KIAA1671: variants seen among roughly 807,000 people sequenced by gnomAD.
The protein encoded by KIAA1671 is uncharacterized protein KIAA1671.
A neutral mutation model predicts 131.2 loss-of-function variants in KIAA1671; 52 were observed. That is an observed-to-expected ratio of 0.40 (90% CI 0.32 to 0.50). The LOEUF is 0.50. Ranked by LOEUF, KIAA1671 falls within the 20% of genes least tolerant of loss-of-function variation. The pLI, the probability that KIAA1671 is intolerant of heterozygous loss-of-function variation, is 0.73. For synonymous variants in KIAA1671, 1,003 were observed against 961.6 expected (o/e 1.04, Z -0.80); for missense variants, 2,360 against 2,364.2 (o/e 1.00, Z 0.04).
intron 1 of KIAA1671, among the ~76,000 whole-genome samples, chr22:24,982,768 G>A (rs2123832053): frequency 6.6e-6 from 1 of 152,314 alleles, no homozygotes; most frequent in East Asian, 1.9e-4. Context: ...AGATCCCAGA[G>A]GGCACAGGCC....
At chr22:25,153,503 C>T (rs1933119477) in intron 6 of KIAA1671, among the ~76,000 whole-genome samples, 1 of 152,188 alleles carries the variant, frequency 6.6e-6, no homozygotes, top group Non-Finnish European at 1.5e-5. Flanking sequence ...ATGCAATATA[C>T]CCATGCATTG....
At chr22:25,113,177 C>G (rs574859717) in intron 6 of KIAA1671, among the ~76,000 whole-genome samples, 1 of 152,128 alleles carries the variant, frequency 6.6e-6, no homozygotes, top group African/African-American at 2.4e-5. Flanking sequence ...GCCCAGAAAG[C>G]GAAAGTGCCT....
rs141568428 is a variant in KIAA1671, at chr22:25,069,916, C to T, written c.4530+20552C>T. ...ACACATGCACACATACTTGACTCCA[C>T]GTAAAAGCATGTACACACACACTCC... On this transcript the variant is annotated intron_variant, in intron 6 of 12. Transcript: ENST00000358431. The T allele has an allele frequency of 2.3e-3, 354 of 155,324 alleles. 4 individuals are homozygous for T. The highest frequency in any genetic ancestry group is 7.7e-3 in the African/African-American group (322 of 41,684). The allele number at this position is 155,324 out of a possible 1,614,324, so 9.6% of individuals were successfully genotyped here. A position where few individuals can be genotyped will look rare whatever the true frequency, so the allele number is the denominator to read the frequency against.
chr22:25,007,870 C>T (rs188147466), intron 1 of KIAA1671, among the ~76,000 whole-genome samples: 89 of 152,116 alleles, frequency 5.9e-4, no homozygotes, highest in African/African-American at 1.6e-3. Flanking sequence ...GGAGCTGTAC[C>T]TCTGCTGCTG....
intron 6 of KIAA1671, among the ~76,000 whole-genome samples, chr22:25,168,482 G>A (rs931428324): frequency 6.6e-6 from 1 of 152,226 alleles, no homozygotes; most frequent in African/African-American, 2.4e-5. Flanking sequence ...CCTGAGGCCA[G>A]GAGTTCGTGA....
At chr22:25,029,968 T>C (rs1332701462) in intron 3 of KIAA1671, among the ~76,000 whole-genome samples, 1 of 152,152 alleles carries the variant, frequency 6.6e-6, no homozygotes, top group Non-Finnish European at 1.5e-5. Context: ...CCTTTATGAG[T>C]GGCCCAAAAA....
intron 6 of KIAA1671, among the ~76,000 whole-genome samples, chr22:25,117,304 T>TG (rs1452627114): frequency 2.6e-5 from 4 of 152,090 alleles, no homozygotes; most frequent in African/African-American, 9.7e-5. Context: ...CAGCTGCCCC[T>TG]GTGGGGTATA....
At chr22:25,126,512 A>C (rs930457216) in intron 6 of KIAA1671, among the ~76,000 whole-genome samples, 1 of 152,212 alleles carries the variant, frequency 6.6e-6, no homozygotes, top group Non-Finnish European at 1.5e-5. Context: ...CATTATCCAT[A>C]AATGTTTTTA....
At position 25,166,855 on chromosome 22, in the gene KIAA1671, C is replaced by G. The variant is rs115865537; in HGVS notation, c.4531-3965C>G. Among the ~76,000 whole-genome samples, 591 of 152,056 alleles carry G rather than the reference C, an allele frequency of 3.9e-3. 3 individuals are homozygous for G. The highest frequency in any genetic ancestry group is 6.4e-3 in the Non-Finnish European group (433 of 67,980). On this transcript the variant is annotated intron_variant, in intron 6 of 12. Transcript: ENST00000358431. ...CCACCCTCGCTATAAGCTGTCACTC[C>G]TCTGCCTCCCGCTGAGCTTAGCATA...
At chr22:25,108,758 G>A (rs1568960128) in intron 6 of KIAA1671, among the ~76,000 whole-genome samples, 1 of 152,172 alleles carries the variant, frequency 6.6e-6, no homozygotes, top group Non-Finnish European at 1.5e-5. Context: ...CTTGCCTCTG[G>A]GCACTTGTAT....
chr22:24,985,748 A>ATGTGTGTGTG (rs59858869), intron 1 of KIAA1671, among the ~76,000 whole-genome samples: 1 of 138,284 alleles, frequency 7.2e-6, no homozygotes, highest in Non-Finnish European at 1.6e-5. Context: ...GTGTGTGTGT[A>ATGTGTGTGTG]TGTGTGTGTG....
Position 24,979,170 on chromosome 22 carries a change from A to ATTTTT in KIAA1671, c.-208+26418_-208+26422dup, listed in dbSNP as rs71191010. Among the ~76,000 whole-genome samples, 445 of 81,696 alleles carry ATTTTT rather than the reference A, an allele frequency of 5.4e-3. 15 individuals are homozygous for ATTTTT. The highest frequency in any genetic ancestry group is 0.023 in the African/African-American group (416 of 18,044). The allele number at this position is 81,696 out of a possible 152,430, so 53.6% of individuals were successfully genotyped here. ...ATCACCATGCCTGGCTAATTTTTGT[A>ATTTTT]TTTTTTTTTTTTTTTTTTTTTTTTA... On this transcript the variant is annotated intron_variant, in intron 1 of 12. Transcript: ENST00000358431.
rs1922610949 is a variant in KIAA1671 at position 24,971,466 on chromosome 22, AAGC to A, written c.-208+18695_-208+18697del. ...CTTCTCCTGGGGCTGTTCTTGAGAA[AAGC>A]TCCTTGTTTTTCTTGTTCATGACAC... On this transcript the variant is annotated intron_variant, in intron 1 of 12. Transcript: ENST00000358431. 5.9e-5 allele frequency among the ~76,000 whole-genome samples: 9 copies of A among 151,872 alleles called. No individual in the cohort carries two copies. The South Asian group carries it at 1.9e-3, about 32-fold the overall frequency.
chr22:25,189,194 C>A (rs780744629), intron 11 of KIAA1671, among the ~76,000 whole-genome samples: 33 of 134,152 alleles, frequency 2.5e-4, no homozygotes, highest in Non-Finnish European at 5.1e-4. Context: ...TGCTCTGTCG[C>A]CCAGGCTGGA....
intron 6 of KIAA1671, among the ~76,000 whole-genome samples, chr22:25,111,609 C>T (rs1013936512): frequency 6.6e-6 from 1 of 152,214 alleles, no homozygotes; most frequent in Non-Finnish European, 1.5e-5. Context: ...AGAAAACCTG[C>T]ATGGGTCAGG....
Position 25,074,514 on chromosome 22 carries a change from A to AAAAAAAG in KIAA1671, c.4530+25153_4530+25154insAAAGAAA, listed in dbSNP as rs59411918. Among the ~76,000 whole-genome samples, 378 of 117,434 alleles carry AAAAAAAG rather than the reference A, an allele frequency of 3.2e-3. 14 individuals are homozygous for AAAAAAAG. Among genetic ancestry groups the AAAAAAAG allele is most frequent in the African/African-American group, 0.01 (276 of 27,252 alleles). 77.0% of individuals were successfully genotyped at this position (117,434 alleles called of 152,430 possible). On this transcript the variant is annotated intron_variant, in intron 6 of 12. Coordinates refer to ENST00000358431, the MANE Select transcript of KIAA1671 (RefSeq NM_001145206.2). ...TGTGTCTCAAAAAAAAAAAAAAAAA[A>AAAAAAAG]AAAGAAAGAAAGAAATTGAGGCATA...
At chr22:25,128,219 G>A (rs908676302) in intron 6 of KIAA1671, among the ~76,000 whole-genome samples, 1 of 152,200 alleles carries the variant, frequency 6.6e-6, no homozygotes, top group Non-Finnish European at 1.5e-5. Flanking sequence ...AAGAGCTCTA[G>A]GTGAGCCCCA....
chr22:25,085,291 C>T (rs529110735), intron 6 of KIAA1671, among the ~76,000 whole-genome samples: 1 of 152,332 alleles, frequency 6.6e-6, no homozygotes, highest in East Asian at 1.9e-4. Flanking sequence ...GCAGAGGAGC[C>T]AAGGGGAACC....
intron 9 of KIAA1671, 96 bp downstream of exon 9, chr22:25,177,618 T>A: frequency 9.5e-7 from 1 of 1,054,098 alleles, no homozygotes; most frequent in Non-Finnish European, 1.4e-6. Context: ...TGGAAGGCTG[T>A]AGATCATTAG....
Sources: gnomAD v4.1 joint callset for allele counts (sites outside exome capture counted in the v4.1 genomes callset) on GRCh38, gnomAD v4.1.1 for gene constraint, MANE v1.5 for transcripts, NCBI Gene and HGNC (gene_info 2026-07-23, HGNC 2026-07-21) for gene names.